The following SEMA5A variants were observed in gnomAD, a reference collection of about 807,000 sequenced individuals.
SEMA5A encodes semaphorin 5A, also known as semaphorin-5A.
In SEMA5A, 55 loss-of-function variants were observed where a neutral mutation model predicts 135.5. The ratio of observed to expected loss-of-function variants is 0.41; its 90% CI spans 0.33 to 0.51. The LOEUF (loss-of-function observed/expected upper bound fraction) is 0.51, where lower values mean the gene tolerates loss of function less well. Ranked by LOEUF, SEMA5A falls within the 20% of genes least tolerant of loss-of-function variation. SEMA5A has a pLI of 0.37. For synonymous variants in SEMA5A, 580 were observed against 546.5 expected, an observed-to-expected ratio of 1.06 and a Z score of -0.85; for missense variants, 1,290 against 1,419.9, an observed-to-expected ratio of 0.91 and a Z score of 1.47.
intron 5 of SEMA5A, among the ~76,000 whole-genome samples, chr5:9,243,891 C>T (rs772681494): frequency 3.2e-4 from 48 of 152,142 alleles, no homozygotes; most frequent in Non-Finnish European, 6.2e-4. Flanking sequence ...CTTTGTTTTC[C>T]ACCCCGTAAT....
At chr5:9,384,441 A>G (rs1352206838) in intron 2 of SEMA5A, among the ~76,000 whole-genome samples, 2 of 152,044 alleles carry the variant, frequency 1.3e-5, no homozygotes, top group Non-Finnish European at 2.9e-5. Context: ...TACTAGAGCT[A>G]GTAACACCCC....
At chr5:9,197,728 TTG>T (rs70943946) in intron 9 of SEMA5A, among the ~76,000 whole-genome samples, 769 of 59,154 alleles carry the variant, frequency 0.013, 5 homozygotes, top group African/African-American at 0.028. Context: ...GGAAAGCTGT[TTG>T]TGTGTGTGTG....
At chr5:9,473,208 G>GAA (rs34546257) in intron 1 of SEMA5A, among the ~76,000 whole-genome samples, 3 of 125,204 alleles carry the variant, frequency 2.4e-5, no homozygotes, top group Non-Finnish European at 3.5e-5. Context: ...GCTAAAATAA[G>GAA]AAAAAAAAAA....
chr5:9,543,299 T>C (rs529833390), intron 1 of SEMA5A, among the ~76,000 whole-genome samples: 2 of 152,368 alleles, frequency 1.3e-5, no homozygotes, highest in East Asian at 3.9e-4. Flanking sequence ...GAAGTTTGTA[T>C]AAATGTGCTT....
At chr5:9,461,288 G>A (rs992516584) in intron 1 of SEMA5A, among the ~76,000 whole-genome samples, 1 of 152,176 alleles carries the variant, frequency 6.6e-6, no homozygotes, top group African/African-American at 2.4e-5. Context: ...TACAGAGAAT[G>A]CTCACTGAAT....
intron 13 of SEMA5A, among the ~76,000 whole-genome samples, chr5:9,133,344 AT>A (rs1380518856): frequency 1.3e-5 from 2 of 152,230 alleles, no homozygotes; most frequent in Non-Finnish European, 2.9e-5. Context: ...GGTAGCCTAT[AT>A]AACCCAGAAA....
chr5:9,313,890 G>A (rs1343864672), intron 5 of SEMA5A, among the ~76,000 whole-genome samples: 1 of 152,172 alleles, frequency 6.6e-6, no homozygotes, highest in Non-Finnish European at 1.5e-5. Context: ...GACATGACCA[G>A]ACAAGGTAGA....
chr5:9,353,354 G>GGAAAGGGAAGGAAAGGAAAGGGAAGGA (rs1754288041), intron 3 of SEMA5A, among the ~76,000 whole-genome samples: 1 of 54,366 alleles, frequency 1.8e-5, no homozygotes, highest in Non-Finnish European at 3.6e-5. Flanking sequence ...AAAGGAAAGG[G>GGAAAGGGAAGGAAAGGAAAGGGAAGGA]AAGGAAAGGA....
intron 16 of SEMA5A, among the ~76,000 whole-genome samples, chr5:9,105,069 C>G (rs1170415465): frequency 6.6e-6 from 1 of 152,240 alleles, no homozygotes; most frequent in Non-Finnish European, 1.5e-5. Context: ...GAATGCATCT[C>G]AAGTTCACAG....
At chr5:9,223,235 T>G (rs1439213761) in intron 8 of SEMA5A, among the ~76,000 whole-genome samples, 1 of 152,206 alleles carries the variant, frequency 6.6e-6, no homozygotes, top group East Asian at 1.9e-4. Context: ...TTAGTTTACT[T>G]GAGAAAGTTA....
intron 15 of SEMA5A, among the ~76,000 whole-genome samples, chr5:9,118,759 C>T (rs1740650319): frequency 6.6e-6 from 1 of 152,194 alleles, no homozygotes; most frequent in South Asian, 2.1e-4. Flanking sequence ...AATCCCTTGG[C>T]AATTGCTCAG....
chr5:9,455,618 G>A (rs1758805734), intron 1 of SEMA5A, among the ~76,000 whole-genome samples: 1 of 152,158 alleles, frequency 6.6e-6, no homozygotes, highest in African/African-American at 2.4e-5. Flanking sequence ...CAACATGAAT[G>A]GGCCAGAACA....
chr5:9,344,433 A>C (rs987657809), intron 3 of SEMA5A, among the ~76,000 whole-genome samples: 3 of 152,250 alleles, frequency 2.0e-5, no homozygotes, highest in Admixed American at 1.3e-4. Flanking sequence ...GCATGGATTA[A>C]TTTATCAAAA....
At chr5:9,120,814 C>T (rs559648804) in intron 14 of SEMA5A, among the ~76,000 whole-genome samples, 1 of 149,682 alleles carries the variant, frequency 6.7e-6, no homozygotes, top group African/African-American at 2.5e-5. Context: ...GAGTCTCGCT[C>T]TGTCGCCAGG....
chr5:9,346,613 C>T (rs1400231964), intron 3 of SEMA5A, among the ~76,000 whole-genome samples: 1 of 152,218 alleles, frequency 6.6e-6, no homozygotes, highest in Non-Finnish European at 1.5e-5. Flanking sequence ...CCTGCATCTG[C>T]TCACCTGTAT....
chr5:9,195,426 C>T (rs1478306941), intron 10 of SEMA5A, among the ~76,000 whole-genome samples: 1 of 152,094 alleles, frequency 6.6e-6, no homozygotes, highest in Non-Finnish European at 1.5e-5. Flanking sequence ...CCTGCCTTGG[C>T]CTCACAAAGC....
At chr5:9,482,833 G>A (rs906570820) in intron 1 of SEMA5A, among the ~76,000 whole-genome samples, 1 of 152,220 alleles carries the variant, frequency 6.6e-6, no homozygotes, top group East Asian at 1.9e-4. Context: ...CGATTTGTGT[G>A]TATGGGGCTT....
At chr5:9,366,373 G>A (rs1245556973) in intron 3 of SEMA5A, among the ~76,000 whole-genome samples, 1 of 151,434 alleles carries the variant, frequency 6.6e-6, no homozygotes, top group Non-Finnish European at 1.5e-5. Context: ...TTTTTATTTT[G>A]CTCCTGCAAT....
At chr5:9,531,810 C>T (rs1399886888) in intron 1 of SEMA5A, among the ~76,000 whole-genome samples, 1 of 152,174 alleles carries the variant, frequency 6.6e-6, no homozygotes, top group African/African-American at 2.4e-5. Flanking sequence ...TAGTAAATAT[C>T]CTGCTTCATA....
Sources: gnomAD v4.1 joint callset for allele counts (sites outside exome capture counted in the v4.1 genomes callset) on GRCh38, gnomAD v4.1.1 for gene constraint, MANE v1.5 for transcripts, NCBI Gene and HGNC (gene_info 2026-07-23, HGNC 2026-07-21) for gene names.